Variants in TMEM132C observed in about 807,000 individuals in gnomAD.
TMEM132C encodes the protein protein phosphatase 1, regulatory subunit 152.
In TMEM132C, 29 loss-of-function variants were observed where a neutral mutation model predicts 61.4. The observed-to-expected ratio is 0.47, with a 90% confidence interval of 0.35 to 0.64. The LOEUF is 0.64. Ranked by LOEUF, TMEM132C falls within the 30% of genes least tolerant of loss-of-function variation. The pLI is 0.00. For synonymous variants in TMEM132C, 656 were observed against 633.1 expected, an observed-to-expected ratio of 1.04 and a Z score of -0.54; for missense variants, 1,408 against 1,476.9, an observed-to-expected ratio of 0.95 and a Z score of 0.76.
chr12:128,390,647 G>A (rs1299199757), intron 1 of TMEM132C, among the ~76,000 whole-genome samples: 2 of 152,204 alleles, frequency 1.3e-5, no homozygotes, highest in Non-Finnish European at 2.9e-5. Context: ...ATTAGGATGA[G>A]GCCCTCTCTA....
chr12:128,526,737 G>A (rs1873099115), intron 2 of TMEM132C, among the ~76,000 whole-genome samples: 1 of 152,292 alleles, frequency 6.6e-6, no homozygotes, highest in Middle Eastern at 3.4e-3. Context: ...AGTGGAGAAG[G>A]AGAAGAGTGA....
At chr12:128,645,282 G>A (rs2135602147) in intron 4 of TMEM132C, among the ~76,000 whole-genome samples, 1 of 152,236 alleles carries the variant, frequency 6.6e-6, no homozygotes, top group Non-Finnish European at 1.5e-5. Flanking sequence ...CCAGGGATGG[G>A]CACCACCCAG....
At chr12:128,525,043 T>G (rs1452334638) in intron 2 of TMEM132C, among the ~76,000 whole-genome samples, 3 of 152,212 alleles carry the variant, frequency 2.0e-5, no homozygotes, top group Admixed American at 6.5e-5. Flanking sequence ...TTGAGAGGAC[T>G]GGCTCAATGC....
intron 1 of TMEM132C, among the ~76,000 whole-genome samples, chr12:128,366,809 C>A (rs141771477): frequency 1.3e-5 from 2 of 152,266 alleles, no homozygotes; most frequent in South Asian, 4.1e-4. Context: ...TTATGTGCTG[C>A]GTGCAGAGTT....
At chr12:128,697,462 T>C in intron 8 of TMEM132C, 47 bp downstream of exon 8, 2 of 1,477,870 alleles carry the variant, frequency 1.4e-6, no homozygotes, top group Non-Finnish European at 1.8e-6. Context: ...GGTCAGCCAC[T>C]GTGCCTGCTT....
At chr12:128,388,932 A>G (rs529488392) in intron 1 of TMEM132C, among the ~76,000 whole-genome samples, 7 of 152,322 alleles carry the variant, frequency 4.6e-5, no homozygotes, top group African/African-American at 1.7e-4. Context: ...TACTGAATTC[A>G]CAGGAGGCTG....
intron 4 of TMEM132C, among the ~76,000 whole-genome samples, chr12:128,620,189 G>A (rs965941485): frequency 3.6e-5 from 5 of 139,520 alleles, no homozygotes; most frequent in Admixed American, 2.3e-4. Context: ...CCGTGATGGT[G>A]CCACTGCATT....
intron 1 of TMEM132C, chr12:128,289,065 CAT>C (rs1456132291): frequency 6.6e-6 from 1 of 152,270 alleles, no homozygotes; most frequent in African/African-American, 2.4e-5. Flanking sequence ...TTCACACACT[CAT>C]GAACACACAT....
chr12:128,513,888 C>G (rs1355781318), intron 2 of TMEM132C, among the ~76,000 whole-genome samples: 1 of 152,170 alleles, frequency 6.6e-6, no homozygotes, highest in African/African-American at 2.4e-5. Context: ...GTGATCAAGA[C>G]GGAGCCTGTT....
chr12:128,366,706 C>G (rs1232956595), intron 1 of TMEM132C, among the ~76,000 whole-genome samples: 2 of 152,184 alleles, frequency 1.3e-5, no homozygotes, highest in African/African-American at 4.8e-5. Flanking sequence ...GTTTCAGAAG[C>G]CTCATCTATG....
chr12:128,627,433 T>C (rs183534174), intron 4 of TMEM132C, among the ~76,000 whole-genome samples: 270 of 152,138 alleles, frequency 1.8e-3, no homozygotes, highest in African/African-American at 6.3e-3. Flanking sequence ...TATTTATCCC[T>C]CTCCCCCAAC....
At chr12:128,391,421 C>T (rs1874760278) in intron 1 of TMEM132C, among the ~76,000 whole-genome samples, 1 of 152,178 alleles carries the variant, frequency 6.6e-6, no homozygotes, top group Admixed American at 6.5e-5. Context: ...TAAGTGGGCA[C>T]ATGTATTCCC....
At position 128,635,656 on chromosome 12, in the gene TMEM132C, T is replaced by C. The variant is rs139020762; in HGVS notation, c.1305+19321T>C. On this transcript the variant is annotated intron_variant, in intron 4 of 8. Transcript: ENST00000435159. The stretch of plus-strand genomic sequence containing the variant: ...GAGCCCCTGAAACAGATCTCCATTG[T>C]CTAAAAGCAACCCACAGTGAAGTTG... Among the ~76,000 whole-genome samples, 199 of 152,246 alleles carry C rather than the reference T, an allele frequency of 1.3e-3. 2 individuals are homozygous for C. Among genetic ancestry groups the C allele is most frequent in the African/African-American group, 4.5e-3 (187 of 41,550 alleles).
chr12:128,482,655 G>A (rs1051410372), intron 2 of TMEM132C, among the ~76,000 whole-genome samples: 3 of 152,022 alleles, frequency 2.0e-5, no homozygotes, highest in African/African-American at 7.2e-5. Flanking sequence ...ATTTCAGAAC[G>A]TATTAGTCTA....
chr12:128,604,804 TGATG>T (rs141580872), intron 3 of TMEM132C, among the ~76,000 whole-genome samples: 56 of 151,008 alleles, frequency 3.7e-4, no homozygotes, highest in South Asian at 1.0e-3. Flanking sequence ...AGTAGATAGA[TGATG>T]GATGGATGGA....
At position 128,291,411 on chromosome 12, in the gene TMEM132C, C is replaced by A. The variant is rs531633663; in HGVS notation, c.85+23924C>A. On this transcript the variant is annotated intron_variant, in intron 1 of 8. Coordinates refer to ENST00000435159, the MANE Select transcript of TMEM132C (RefSeq NM_001136103.3). ...ATACAGTGCCAGGTGCCCTTTTCCC[C>A]TGGATGGGCTGATACTGAGGGGCTG... Among the ~76,000 whole-genome samples the A allele has an allele frequency of 8.0e-4, 122 of 152,342 alleles. 1 individual carries two copies. The highest frequency in any genetic ancestry group is 2.9e-3 in the African/African-American group (122 of 41,584).
chr12:128,642,726 C>G (rs145382883), intron 4 of TMEM132C, among the ~76,000 whole-genome samples: 88 of 152,308 alleles, frequency 5.8e-4, no homozygotes, highest in African/African-American at 1.8e-3. Context: ...CCAATTAAAC[C>G]TCTTGTCTTT....
chr12:128,606,515 T>G (rs1252739421), intron 3 of TMEM132C, among the ~76,000 whole-genome samples: 3 of 152,256 alleles, frequency 2.0e-5, no homozygotes, highest in African/African-American at 4.8e-5. Context: ...GTGGGAGATT[T>G]CCCATTTTTA....
intron 3 of TMEM132C, among the ~76,000 whole-genome samples, chr12:128,580,141 C>A (rs1453243110): frequency 1.3e-5 from 2 of 152,106 alleles, no homozygotes; most frequent in African/African-American, 2.4e-5. Context: ...GGGAATAATA[C>A]TGTGAATTGT....
Sources: allele counts gnomAD v4.1 joint callset (sites outside exome capture counted in the v4.1 genomes callset), GRCh38; gene constraint gnomAD v4.1.1; transcripts MANE v1.5; gene names NCBI Gene and HGNC (gene_info 2026-07-23, HGNC 2026-07-21).